Variants in TFDP1 observed in about 807,000 individuals in gnomAD.
The protein encoded by TFDP1 is DRTF1-polypeptide 1.
Under a neutral mutation model 48.0 loss-of-function variants are expected in TFDP1, and 6 were observed. The observed-to-expected ratio is 0.13, with a 90% CI of 0.07 to 0.25. The LOEUF (loss-of-function observed/expected upper bound fraction) is 0.25, where lower values mean the gene tolerates loss of function less well. Among genes scored for constraint, TFDP1 ranks in the 10% least tolerant of loss-of-function variants. The probability of loss-of-function intolerance (pLI) is 1.00; values close to 1 mark genes in which losing one functional copy is unlikely to be tolerated. For synonymous variants in TFDP1, 201 were observed against 211.6 expected, an observed-to-expected ratio of 0.95 and a Z score of 0.44; for missense variants, 335 against 543.0, an observed-to-expected ratio of 0.62 and a Z score of 3.81.
intron 2 of TFDP1, among the ~76,000 whole-genome samples, chr13:113,595,161 G>A (rs888204017): frequency 3.9e-5 from 6 of 152,058 alleles, no homozygotes; most frequent in African/African-American, 1.4e-4. Flanking sequence ...GGTTAACGTG[G>A]GAGATAATTA....
chr13:113,624,091 C>G (rs1193187834), intron 4 of TFDP1, among the ~76,000 whole-genome samples: 1 of 152,136 alleles, frequency 6.6e-6, no homozygotes, highest in African/African-American at 2.4e-5. Context: ...CTTCCTGGTC[C>G]TGAGATGATG....
chr13:113,631,598 T>A (rs183469278), intron 4 of TFDP1, 25 bp from the exon 5 acceptor site: 14 of 1,608,722 alleles, frequency 8.7e-6, no homozygotes, highest in Non-Finnish European at 1.2e-5. Flanking sequence ...GGACTGACTG[T>A]CTGAATTGTC....
At chr13:113,604,242 C>T (rs1387806512) in intron 2 of TFDP1, among the ~76,000 whole-genome samples, 2 of 151,780 alleles carry the variant, frequency 1.3e-5, no homozygotes, top group East Asian at 3.9e-4. Context: ...TCACAGCCCA[C>T]AAGAAATGCA....
At chr13:113,629,471 A>G (rs2049276427) in intron 4 of TFDP1, among the ~76,000 whole-genome samples, 1 of 152,210 alleles carries the variant, frequency 6.6e-6, no homozygotes, top group Non-Finnish European at 1.5e-5. Flanking sequence ...AGATGGTCCA[A>G]AAGCAACATG....
intron 3 of TFDP1, among the ~76,000 whole-genome samples, chr13:113,611,816 T>C (rs1329196784): frequency 6.6e-6 from 1 of 152,144 alleles, no homozygotes; most frequent in Non-Finnish European, 1.5e-5. Context: ...TGTGGTTTGT[T>C]GCGATATTCC....
intron 3 of TFDP1, among the ~76,000 whole-genome samples, chr13:113,616,221 GA>G (rs2048854715): frequency 3.8e-5 from 2 of 52,502 alleles, no homozygotes; most frequent in Admixed American, 2.2e-4. Context: ...AAAAAAAAAA[GA>G]GTAAGTGTGT....
At chr13:113,634,647 C>T (rs759573379) in intron 8 of TFDP1, 45 bp downstream of exon 8, 3 of 1,491,602 alleles carry the variant, frequency 2.0e-6, no homozygotes, top group African/African-American at 1.4e-5. Context: ...TTTTATTTTA[C>T]TAATTTAGCT....
chr13:113,623,250 C>A lies in TFDP1; in HGVS notation c.150C>A (p.Thr50=). The A allele has an allele frequency of 6.2e-7, 1 of 1,613,418 alleles. No individual in the cohort carries two copies. The highest frequency in any genetic ancestry group is 8.5e-7 in the Non-Finnish European group (1 of 1,179,714). Residue 50 remains threonine, a synonymous_variant, in exon 4 of 12, where the codon ACC becomes ACA. Transcript: ENST00000375370. The surrounding 1 kb of genome is among the most constrained non-coding windows in gnomAD (Gnocchi z 5.2). Reference sequence around the variant, plus strand: ...TCGGGAAGCAGCTCTTGCCAAAAACCTTTGGACAGTCCAATGTCAACATTG... The same window carrying A: ...TCGGGAAGCAGCTCTTGCCAAAAACATTTGGACAGTCCAATGTCAACATTG... ...NPLGKQLLPK[T]FGQSNVNIAQ... is the part of the protein sequence containing the mutation.
rs2049613306 is a variant in TFDP1 at position 113,640,347 on chromosome 13, C to A, written c.*80C>A. The A allele has an allele frequency of 6.6e-7, 1 of 1,526,290 alleles. No homozygotes were observed. The highest frequency in any genetic ancestry group is 8.8e-7 in the Non-Finnish European group (1 of 1,142,704). 94.5% of individuals were successfully genotyped at this position (1,526,290 alleles called of 1,614,324 possible). A position where few individuals can be genotyped will look rare whatever the true frequency, so the allele number is the denominator to read the frequency against. ...TTTTTTTAATGTGGGTTTTCTGTTTCCTTTTGGCCTACTCCCAAGAAGATA... is the reference window on the plus strand; with the variant it reads ...TTTTTTTAATGTGGGTTTTCTGTTTACTTTTGGCCTACTCCCAAGAAGATA... On this transcript the variant is annotated 3_prime_UTR_variant, in exon 12 of 12. Coordinates refer to ENST00000375370, the MANE Select transcript of TFDP1 (RefSeq NM_007111.5).
intron 3 of TFDP1, among the ~76,000 whole-genome samples, chr13:113,616,728 G>T (rs990476383): frequency 2.0e-5 from 3 of 152,116 alleles, no homozygotes; most frequent in Admixed American, 2.0e-4. Flanking sequence ...ACTCGTGACC[G>T]TCGCCTGTGA....
intron 4 of TFDP1, among the ~76,000 whole-genome samples, chr13:113,626,028 T>C (rs1279342704): frequency 1.5e-5 from 2 of 136,422 alleles, no homozygotes; most frequent in Admixed American, 7.2e-5. Flanking sequence ...TGTCCTCAGG[T>C]GTCTCTCACG....
intron 2 of TFDP1, 113 bp downstream of exon 2, chr13:113,585,962 T>A: frequency 1.6e-6 from 2 of 1,283,118 alleles, no homozygotes; most frequent in Non-Finnish European, 2.2e-6. Flanking sequence ...GTGTTTATTT[T>A]CAGACTTTTA....
At chr13:113,632,769 C>G (rs1002413908) in intron 5 of TFDP1, among the ~76,000 whole-genome samples, 7 of 152,236 alleles carry the variant, frequency 4.6e-5, no homozygotes, top group Non-Finnish European at 1.0e-4. Flanking sequence ...GAGCGAGACT[C>G]CGTCTCAAAA....
In TFDP1 at chr13:113,633,052, C is replaced by A. The variant is rs527303994; in HGVS notation, c.309-68C>A. The A allele has an allele frequency of 4.2e-5, 67 of 1,591,548 alleles. No individual in the cohort carries two copies. The African/African-American group carries it at 8.8e-4, about 21-fold the overall frequency. On this transcript the variant is annotated intron_variant, in intron 5 of 11. Transcript: ENST00000375370. The surrounding 1 kb of genome is among the most constrained non-coding windows in gnomAD (Gnocchi z 4.5). ...GCTCATTAGAGCTCTCAGGTAAAAGCATTCCTCGATTCAGGCTGATCCTCA... is the reference window on the plus strand; with the variant it reads ...GCTCATTAGAGCTCTCAGGTAAAAGAATTCCTCGATTCAGGCTGATCCTCA...
Position 113,633,794 on chromosome 13 carries a change from C to A in TFDP1, c.475-96C>A. On this transcript the variant is annotated intron_variant, in intron 6 of 11. Coordinates refer to ENST00000375370, the MANE Select transcript of TFDP1 (RefSeq NM_007111.5). This position sits in a 1 kb window ranked among gnomAD's most constrained non-coding sequence, Gnocchi z 4.5. ...CATGTTGGGGTGGCGGCTCCGTGAG[C>A]GGGGTGCCCCTTTGAGCCAGTGCCC... The A allele has an allele frequency of 1.4e-6, 2 of 1,446,258 alleles. No individual in the cohort carries two copies. Among genetic ancestry groups the A allele is most frequent in the Admixed American group, 2.1e-5 (1 of 46,786 alleles). The allele number at this position is 1,446,258 out of a possible 1,614,324, so 89.6% of individuals were successfully genotyped here.
rs767560617 is a variant in TFDP1 at position 113,634,654 on chromosome 13, A to G, written c.687+52A>G. Reference sequence around the variant, plus strand: ...AGGGTAATTTTTATTTTACTAATTTAGCTTTATAACGGCAACATACTGCCT... The same window carrying G: ...AGGGTAATTTTTATTTTACTAATTTGGCTTTATAACGGCAACATACTGCCT... On this transcript the variant is annotated intron_variant, in intron 8 of 11. Transcript: ENST00000375370. 10 of 1,445,748 alleles carry G rather than the reference A, an allele frequency of 6.9e-6. No individual in the cohort carries two copies. In the African/African-American group the frequency reaches 1.3e-4, roughly 18 times the overall value. 89.6% of individuals were successfully genotyped at this position (1,445,748 alleles called of 1,614,324 possible).
Position 113,622,740 on chromosome 13 carries a change from A to G in TFDP1, c.80-440A>G, listed in dbSNP as rs529943901. ...GTGGAAGGCACACTCCTTCCTAGGA[A>G]CAAATGTGGTTCTCCTTCCTAAGGA... On this transcript the variant is annotated intron_variant, in intron 3 of 11. Coordinates refer to ENST00000375370, the MANE Select transcript of TFDP1 (RefSeq NM_007111.5). Among the ~76,000 whole-genome samples, 4 of 152,354 alleles carry G rather than the reference A, an allele frequency of 2.6e-5. No homozygotes were observed. In the East Asian group the frequency reaches 5.8e-4, roughly 22 times the overall value.
In TFDP1 at chr13:113,634,602, G is replaced by A. The variant is rs776188323; in HGVS notation, c.687G>A (p.Gln229=). 5 of 1,607,548 alleles carry A rather than the reference G, an allele frequency of 3.1e-6. No homozygotes were observed. Among genetic ancestry groups the A allele is most frequent in the Non-Finnish European group, 4.2e-6 (5 of 1,176,540 alleles). ...CTCAACTTCAAGAACTTATTCTACA[G>A]GTAAGAGAATACGTATCTGTGGAGG... ...KQSQLQELIL[Q]QIAFKNLVQR... The change falls in exon 8 of 12, where the codon CAG becomes CAA. Residue 229 remains glutamine (Q), a splice_region_variant and synonymous_variant. Coordinates refer to ENST00000375370, the MANE Select transcript of TFDP1 (RefSeq NM_007111.5).
At chr13:113,590,318 G>A (rs769805210) in intron 2 of TFDP1, among the ~76,000 whole-genome samples, 13 of 152,200 alleles carry the variant, frequency 8.5e-5, no homozygotes, top group Non-Finnish European at 1.8e-4. Flanking sequence ...CCATGGAGGC[G>A]TTTGAGTGAT....
Sources: gnomAD v4.1 joint callset for allele counts (sites outside exome capture counted in the v4.1 genomes callset) on GRCh38, gnomAD v4.1.1 for gene constraint, Gnocchi (gnomAD v3.1) non-coding constraint, MANE v1.5 for transcripts, NCBI Gene and HGNC (gene_info 2026-07-23, HGNC 2026-07-21) for gene names.